The following TBC1D24 variants were observed in gnomAD, a reference collection of about 807,000 sequenced individuals.
TBC1D24 encodes TBC1 domain family member 24.
In TBC1D24, 47 loss-of-function variants were observed where a neutral mutation model predicts 50.7. The observed-to-expected ratio is 0.93, with a 90% confidence interval of 0.73 to 1.18. The LOEUF is 1.18. TBC1D24 is among the 50% of genes most tolerant of loss of function. The pLI is 0.00. For synonymous variants in TBC1D24, 324 were observed against 335.2 expected (o/e 0.97, Z 0.36); for missense variants, 688 against 766.5 (o/e 0.90, Z 1.21).
chr16:2,481,567 C>T, intron 1 of TBC1D24: 1 of 152,246 alleles, frequency 6.6e-6, no homozygotes, highest in East Asian at 1.9e-4. Context: ...GCTGAGCTCT[C>T]TTCCTCTGGT....
chr16:2,492,412 T>C (rs954907682), intron 1 of TBC1D24, among the ~76,000 whole-genome samples: 5 of 152,166 alleles, frequency 3.3e-5, no homozygotes, highest in Non-Finnish European at 7.4e-5. Context: ...AGTTTAATAT[T>C]CAACCTGAAT....
At chr16:2,478,058 G>C (rs1567403241) in intron 1 of TBC1D24, 1 of 152,318 alleles carries the variant, frequency 6.6e-6, no homozygotes, top group Non-Finnish European at 1.5e-5. Flanking sequence ...AAGATCTTGG[G>C]TTTGTGAGTG....
At chr16:2,484,467 G>C (rs1014070289) in intron 1 of TBC1D24, 1 of 152,390 alleles carries the variant, frequency 6.6e-6, no homozygotes, top group Non-Finnish European at 1.5e-5. Flanking sequence ...AAGGGCTTCC[G>C]GAACCCATCC....
rs2065646188 is a variant in TBC1D24, at chr16:2,485,951, C to A, written c.-115-10083C>A. Among the ~76,000 whole-genome samples, 1 of 152,212 alleles carries A rather than the reference C, an allele frequency of 6.6e-6. No individual in the cohort carries two copies. The highest frequency in any genetic ancestry group is 1.5e-5 in the Non-Finnish European group (1 of 68,042). On this transcript the variant is annotated intron_variant, in intron 1 of 7. Transcript: ENST00000646147. This position sits in a 1 kb window ranked among gnomAD's most constrained non-coding sequence, Gnocchi z 4.6. Reference sequence around the variant, plus strand: ...GCCTGTGCCCCAGGGTTTCCGGGCACTCCGAGCTTCCCTGGCAGGCAACAA... The same window carrying A: ...GCCTGTGCCCCAGGGTTTCCGGGCAATCCGAGCTTCCCTGGCAGGCAACAA...
At chr16:2,490,150 G>T (rs533705576) in intron 1 of TBC1D24, among the ~76,000 whole-genome samples, 3 of 152,160 alleles carry the variant, frequency 2.0e-5, no homozygotes, top group Non-Finnish European at 4.4e-5. Flanking sequence ...CCAGACCCAC[G>T]GTGTGGACCC....
In TBC1D24 at chr16:2,495,933, G is replaced by A. The variant is rs138511243; in HGVS notation, c.-115-101G>A. On this transcript the variant is annotated intron_variant, in intron 1 of 7. Coordinates refer to ENST00000646147, the MANE Select transcript of TBC1D24 (RefSeq NM_001199107.2). ...AACCTGGGCAACAGAGCGAGACCCTGTCTCAAAAGAAAAGAAAACTACACC... is the reference window on the plus strand; with the variant it reads ...AACCTGGGCAACAGAGCGAGACCCTATCTCAAAAGAAAAGAAAACTACACC... 0.01 allele frequency: 6,306 copies of A among 605,334 alleles called. 55 individuals carry two copies. The highest frequency in any genetic ancestry group is 0.029 in the Middle Eastern group (63 of 2,178). 37.5% of individuals were successfully genotyped at this position (605,334 alleles called of 1,614,324 possible).
Position 2,475,584 on chromosome 16 carries a change from G to A in TBC1D24, c.-116+414G>A, listed in dbSNP as rs1311676821. ...AACAGATTCTGATACGCCCTGCCCTGTGGACCTGCAGCGGCCCCGGGCCCC... is the reference window on the plus strand; with the variant it reads ...AACAGATTCTGATACGCCCTGCCCTATGGACCTGCAGCGGCCCCGGGCCCC... On this transcript the variant is annotated intron_variant, in intron 1 of 7. Coordinates refer to ENST00000646147, the MANE Select transcript of TBC1D24 (RefSeq NM_001199107.2). The surrounding 1 kb of genome is among the most constrained non-coding windows in gnomAD (Gnocchi z 4.2). Among the ~76,000 whole-genome samples the A allele has an allele frequency of 1.3e-5, 2 of 152,112 alleles. No homozygotes were observed. Among genetic ancestry groups the A allele is most frequent in the African/African-American group, 4.8e-5 (2 of 41,426 alleles).
At chr16:2,490,322 G>A (rs866405537) in intron 1 of TBC1D24, among the ~76,000 whole-genome samples, 6 of 152,244 alleles carry the variant, frequency 3.9e-5, no homozygotes, top group African/African-American at 1.4e-4. Context: ...CTGGCAGCTG[G>A]GCTGACAGGT....
rs9938969 is a variant in TBC1D24, at chr16:2,499,962, C to T, written c.1302+32C>T. ...GGGGCCAAGTGTCCCCAAACCCCCACGCAGACCCTGTAGCTGCATCCCTCC... is the reference window on the plus strand; with the variant it reads ...GGGGCCAAGTGTCCCCAAACCCCCATGCAGACCCTGTAGCTGCATCCCTCC... On this transcript the variant is annotated intron_variant, in intron 6 of 7. Transcript: ENST00000646147. This position sits in a 1 kb window ranked among gnomAD's most constrained non-coding sequence, Gnocchi z 4.0. 4.6e-3 allele frequency: 7,372 copies of T among 1,593,690 alleles called. 192 individuals carry two copies. In the African/African-American group the frequency reaches 0.068, roughly 15 times the overall value.
intron 1 of TBC1D24, among the ~76,000 whole-genome samples, chr16:2,491,854 G>A (rs1001038408): frequency 7.2e-5 from 11 of 151,860 alleles, no homozygotes; most frequent in Admixed American, 5.3e-4. Flanking sequence ...TGCTTGGCCC[G>A]CCTGGCTAAT....
Position 2,496,394 on chromosome 16 carries a change from G to T in TBC1D24, c.246G>T (p.Val82=). The T allele has an allele frequency of 6.2e-7, 1 of 1,613,276 alleles. No individual in the cohort carries two copies. The change falls in exon 2 of 8, where the codon GTG becomes GTT. Residue 82 remains valine (V), a synonymous_variant. Transcript: ENST00000646147. Reference sequence around the variant, plus strand: ...ACAGCGACATCGTGGGCAAGATCGTGGGCAAGCACAGCAGCAGCTGCCTGC... The same window carrying T: ...ACAGCGACATCGTGGGCAAGATCGTTGGCAAGCACAGCAGCAGCTGCCTGC... ...SVYSDIVGKI[V]GKHSSSCLPL... is the part of the protein sequence containing the mutation.
Position 2,501,073 on chromosome 16 carries a change from G to T in TBC1D24, c.*115G>T. 2 of 1,400,822 alleles carry T rather than the reference G, an allele frequency of 1.4e-6. No homozygotes were observed. Among genetic ancestry groups the T allele is most frequent in the Non-Finnish European group, 1.9e-6 (2 of 1,027,800 alleles). 86.8% of individuals were successfully genotyped at this position (1,400,822 alleles called of 1,614,324 possible). ...ATGTGGTAGGCAGGGTTGGGGGACG[G>T]CAGGACCCCATGGCCAAGCCTGGCG... On this transcript the variant is annotated 3_prime_UTR_variant, in exon 8 of 8. Transcript: ENST00000646147.
intron 1 of TBC1D24, among the ~76,000 whole-genome samples, chr16:2,493,948 G>C (rs1282961985): frequency 3.3e-5 from 5 of 152,248 alleles, no homozygotes; most frequent in African/African-American, 1.2e-4. Context: ...TTAGGTCCCA[G>C]CTCTCCCTCT....
chr16:2,498,744 G>A (rs1268689335), intron 4 of TBC1D24, among the ~76,000 whole-genome samples: 2 of 151,740 alleles, frequency 1.3e-5, no homozygotes, highest in Non-Finnish European at 2.9e-5. Context: ...GTGCTCTGTC[G>A]GGGGCCTGGG....
In TBC1D24 at chr16:2,483,046, G is replaced by C. The variant is rs2065621623; in HGVS notation, c.-116+7876G>C. ...GTTTGGGGCCTGCTGTCACAGCACT[G>C]GGAGCCTTGGAGAGAGATGGGGAGC... On this transcript the variant is annotated intron_variant, in intron 1 of 7. Coordinates refer to ENST00000646147, the MANE Select transcript of TBC1D24 (RefSeq NM_001199107.2). This position sits in a 1 kb window ranked among gnomAD's most constrained non-coding sequence, Gnocchi z 4.0. 6.5e-6 allele frequency: 1 copy of C among 153,318 alleles called. No homozygotes were observed. Among genetic ancestry groups the C allele is most frequent in the Non-Finnish European group, 1.5e-5 (1 of 68,888 alleles). 9.5% of individuals were successfully genotyped at this position (153,318 alleles called of 1,614,324 possible).
chr16:2,476,265 C>T (rs556985568), intron 1 of TBC1D24, among the ~76,000 whole-genome samples: 1 of 152,336 alleles, frequency 6.6e-6, no homozygotes, highest in Non-Finnish European at 1.5e-5. Flanking sequence ...ACAGTAGGCA[C>T]CTGTAGATGG....
At chr16:2,491,711 C>T (rs1277543400) in intron 1 of TBC1D24, among the ~76,000 whole-genome samples, 1 of 152,108 alleles carries the variant, frequency 6.6e-6, no homozygotes, top group Non-Finnish European at 1.5e-5. Context: ...TGTGCCACCA[C>T]ACCCAGCTAA....
rs1052638393 is a variant in TBC1D24, at chr16:2,485,598, G to C, written c.-116+10428G>C. On this transcript the variant is annotated intron_variant, in intron 1 of 7. Coordinates refer to ENST00000646147, the MANE Select transcript of TBC1D24 (RefSeq NM_001199107.2). The surrounding 1 kb of genome is among the most constrained non-coding windows in gnomAD (Gnocchi z 4.6). ...TTGTGGGAACCCCAACTTGAAGTTGGTTGCTGAGAAGTTCCAGAGGCCTGG... is the reference window on the plus strand; with the variant it reads ...TTGTGGGAACCCCAACTTGAAGTTGCTTGCTGAGAAGTTCCAGAGGCCTGG... The C allele has an allele frequency of 6.6e-6, 1 of 152,212 alleles. No individual in the cohort carries two copies. Among genetic ancestry groups the C allele is most frequent in the Non-Finnish European group, 1.5e-5 (1 of 68,040 alleles). 9.4% of individuals were successfully genotyped at this position (152,212 alleles called of 1,614,324 possible).
rs1135527 is a variant in TBC1D24 at position 2,505,437 on chromosome 16, C to T, written c.*4479C>T. 9.7e-3 allele frequency: 1,480 copies of T among 152,218 alleles called. 12 individuals are homozygous for T. Among genetic ancestry groups the T allele is most frequent in the Middle Eastern group, 0.041 (12 of 294 alleles). 9.4% of individuals were successfully genotyped at this position (152,218 alleles called of 1,614,324 possible). Reference sequence around the variant, plus strand: ...ATAAGGCACGGACAACATGAACTGGCAAAAACATTGGCATTTGGTCAAATG... The same window carrying T: ...ATAAGGCACGGACAACATGAACTGGTAAAAACATTGGCATTTGGTCAAATG... On this transcript the variant is annotated 3_prime_UTR_variant, in exon 8 of 8. Transcript: ENST00000646147.
Sources: gnomAD v4.1 joint callset for allele counts (sites outside exome capture counted in the v4.1 genomes callset) on GRCh38, gnomAD v4.1.1 for gene constraint, Gnocchi (gnomAD v3.1) non-coding constraint, MANE v1.5 for transcripts, NCBI Gene and HGNC (gene_info 2026-07-23, HGNC 2026-07-21) for gene names.